The following PLRG1 variants were observed in gnomAD, a reference collection of about 807,000 sequenced individuals.
PLRG1 encodes pleiotropic regulator 1 (PRL1 homolog, Arabidopsis).
PLRG1 carries 28 observed loss-of-function variants against 74.9 expected under a neutral mutation model. That is an observed-to-expected ratio of 0.37 (90% CI 0.28 to 0.51). The LOEUF is 0.51. Among genes scored for constraint, PLRG1 ranks in the 20% least tolerant of loss-of-function variants. PLRG1 has a pLI of 0.91. For missense variants in PLRG1, 445 were observed against 631.9 expected (o/e 0.70, Z 3.17); for synonymous variants, 197 against 212.4 (o/e 0.93, Z 0.63).
intron 2 of PLRG1, 73 bp from the exon 3 acceptor site, chr4:154,547,926 AT>A (rs1157410464): frequency 1.7e-6 from 2 of 1,148,552 alleles, no homozygotes; most frequent in African/African-American, 3.1e-5. Context: ...AAGTTTGCCC[AT>A]TCACGTAGAA....
chr4:154,540,584 T>C lies in PLRG1; in HGVS notation c.939+10A>G. 1 of 1,570,382 alleles carries C rather than the reference T, an allele frequency of 6.4e-7. No homozygotes were observed. The highest frequency in any genetic ancestry group is 8.8e-7 in the Non-Finnish European group (1 of 1,140,224). ...ATTTACAGATAAATACACAACTCTA[T>C]CCCATTTACCCGTGCAGTTGAATCT... On this transcript the variant is annotated intron_variant, in intron 10 of 14. Transcript: ENST00000499023.
chr4:154,538,505 G>C (rs1050123010), intron 12 of PLRG1, among the ~76,000 whole-genome samples: 1 of 151,682 alleles, frequency 6.6e-6, no homozygotes, highest in African/African-American at 2.4e-5. Flanking sequence ...AGAGAGAACA[G>C]GAGGGAGGAG....
At chr4:154,537,866 AT>A in intron 13 of PLRG1, 102 bp downstream of exon 13, 2 of 663,628 alleles carry the variant, frequency 3.0e-6, no homozygotes, top group South Asian at 2.7e-5. Flanking sequence ...AAGTGCTGCT[AT>A]AATACTTAAG....
chr4:154,539,547 T>C (rs1187962612), intron 11 of PLRG1, among the ~76,000 whole-genome samples: 1 of 152,104 alleles, frequency 6.6e-6, no homozygotes, highest in East Asian at 1.9e-4. Flanking sequence ...AAGGAATTAT[T>C]TTCTAGTATT....
chr4:154,540,596 G>A lies in PLRG1; in HGVS notation c.937C>T (p.Arg313Trp), dbSNP rs1348352943. The A allele has an allele frequency of 6.9e-6, 11 of 1,595,200 alleles. No homozygotes were observed. The highest frequency in any genetic ancestry group is 1.1e-5 in the South Asian group (1 of 90,648). The change falls in exon 10 of 15, where the codon CGG (arginine) becomes TGG (tryptophan). Residue 313 changes from arginine to tryptophan, a missense_variant and splice_region_variant. By Grantham distance (101) the Arg-to-Trp change is moderately radical. Coordinates refer to ENST00000499023, the MANE Select transcript of PLRG1 (RefSeq NM_002669.4). ...ATACACAACTCTATCCCATTTACCC[G>A]TGCAGTTGAATCTCGACTACAGGTT... ...LVTCSRDSTA[R>W]IWDVRTKASV...
intron 1 of PLRG1, chr4:154,549,851 G>C: frequency 2.2e-6 from 1 of 445,248 alleles, no homozygotes; most frequent in Middle Eastern, 3.3e-4. Flanking sequence ...AACAGCGTTG[G>C]CTGTTCATGC....
In PLRG1 at chr4:154,536,428, G is replaced by C. The variant is rs541721179; in HGVS notation, c.*257C>G. On this transcript the variant is annotated 3_prime_UTR_variant, in exon 15 of 15. Coordinates refer to ENST00000499023, the MANE Select transcript of PLRG1 (RefSeq NM_002669.4). The stretch of plus-strand genomic sequence containing the variant: ...CTGTCAAAATATTACATCTAGAATA[G>C]TTATGTTCAATAAACCTGCATTTAC... The C allele has an allele frequency of 5.8e-6, 2 of 346,488 alleles. No homozygotes were observed. Among genetic ancestry groups the C allele is most frequent in the South Asian group, 1.0e-4 (2 of 19,376 alleles). The allele number at this position is 346,488 out of a possible 1,614,324, so 21.5% of individuals were successfully genotyped here.
chr4:154,537,692 C>A, intron 13 of PLRG1: 1 of 501,396 alleles, frequency 2.0e-6, no homozygotes, highest in Non-Finnish European at 3.5e-6. Context: ...GAAAATCTGA[C>A]ATCCAATTCC....
chr4:154,547,898 A>G (rs371273997), intron 2 of PLRG1, 45 bp from the exon 3 acceptor site: 26 of 1,406,368 alleles, frequency 1.8e-5, no homozygotes, highest in Non-Finnish European at 2.6e-5. Context: ...TAAATACTTT[A>G]AAACAAACAC....
intron 4 of PLRG1, chr4:154,546,670 G>A (rs1433708694): frequency 5.7e-6 from 2 of 349,942 alleles, no homozygotes; most frequent in East Asian, 6.1e-5. Context: ...TACAGACAGA[G>A]GACATGTTTC....
chr4:154,539,516 G>A (rs1357078809), intron 11 of PLRG1, among the ~76,000 whole-genome samples: 1 of 151,876 alleles, frequency 6.6e-6, no homozygotes, highest in Non-Finnish European at 1.5e-5. Flanking sequence ...ATTTTTTTAA[G>A]TTAATAAAAT....
intron 8 of PLRG1, among the ~76,000 whole-genome samples, 164 bp from the exon 9 acceptor site, chr4:154,541,098 GAAAA>G (rs1018380401): frequency 6.6e-5 from 10 of 151,906 alleles, no homozygotes; most frequent in African/African-American, 2.2e-4. Flanking sequence ...ATAAAAGCAA[GAAAA>G]AAACTGGCAT....
At chr4:154,549,128 G>A in intron 1 of PLRG1, 193 bp from the exon 2 acceptor site, 1 of 579,142 alleles carries the variant, frequency 1.7e-6, no homozygotes, top group Admixed American at 2.2e-5. Context: ...AGAACCTCAG[G>A]TTTAGCAACT....
intron 8 of PLRG1, 92 bp downstream of exon 8, chr4:154,542,095 G>T: frequency 1.3e-6 from 1 of 767,798 alleles, no homozygotes; most frequent in Non-Finnish European, 2.3e-6. Context: ...CAGAGGAACT[G>T]CAATAGCAAT....
At chr4:154,545,652 G>A (rs917277816) in intron 6 of PLRG1, among the ~76,000 whole-genome samples, 184 bp downstream of exon 6, 1 of 152,104 alleles carries the variant, frequency 6.6e-6, no homozygotes, top group African/African-American at 2.4e-5. Context: ...CAATGTACAA[G>A]TAGACAAATA....
In PLRG1 at chr4:154,535,696, A is replaced by G. The variant is rs1382028923; in HGVS notation, c.*989T>C. The G allele has an allele frequency of 6.6e-6, 1 of 152,090 alleles. No individual in the cohort carries two copies. Among genetic ancestry groups the G allele is most frequent in the East Asian group, 1.9e-4 (1 of 5,188 alleles). The allele number at this position is 152,090 out of a possible 1,614,324, so 9.4% of individuals were successfully genotyped here. A position where few individuals can be genotyped will look rare whatever the true frequency, so the allele number is the denominator to read the frequency against. On this transcript the variant is annotated 3_prime_UTR_variant, in exon 15 of 15. Transcript: ENST00000499023. ...TTTATAAAACTTGTATTTACCAAAA[A>G]GAGGCATCAGTATTAGAAACTTTAA...
At chr4:154,542,585 G>C (rs975108382) in intron 7 of PLRG1, among the ~76,000 whole-genome samples, 1 of 152,178 alleles carries the variant, frequency 6.6e-6, no homozygotes, top group African/African-American at 2.4e-5. Flanking sequence ...CATATTGTAT[G>C]ATTCCATTTA....
In PLRG1 at chr4:154,550,372, G is replaced by T; in HGVS notation, c.-64C>A. On this transcript the variant is annotated 5_prime_UTR_variant, in exon 1 of 15. Coordinates refer to ENST00000499023, the MANE Select transcript of PLRG1 (RefSeq NM_002669.4). ...TCTAATCACTAACGCAGTACCCGCC[G>T]CCACAGCTGTGCAGCACCTTCCGGA... The T allele has an allele frequency of 6.7e-7, 1 of 1,503,544 alleles. No homozygotes were observed. Among genetic ancestry groups the T allele is most frequent in the East Asian group, 2.3e-5 (1 of 44,356 alleles). 93.1% of individuals were successfully genotyped at this position (1,503,544 alleles called of 1,614,324 possible). A position where few individuals can be genotyped will look rare whatever the true frequency, so the allele number is the denominator to read the frequency against.
intron 7 of PLRG1, among the ~76,000 whole-genome samples, chr4:154,543,099 G>A (rs1729583760): frequency 6.6e-6 from 1 of 152,128 alleles, no homozygotes; most frequent in African/African-American, 2.4e-5. Flanking sequence ...CTAATACAAA[G>A]AAATAATATC....
Sources: allele counts gnomAD v4.1 joint callset (sites outside exome capture counted in the v4.1 genomes callset), GRCh38; gene constraint gnomAD v4.1.1; transcripts MANE v1.5; gene names NCBI Gene and HGNC (gene_info 2026-07-23, HGNC 2026-07-21).